ST18: variants seen among roughly 807,000 people sequenced by gnomAD.
ST18 encodes the protein suppression of tumorigenicity 18 protein.
ST18 carries 50 observed loss-of-function variants against 110.0 expected under a neutral mutation model. That is an observed-to-expected ratio of 0.45 (90% CI 0.36 to 0.58). The LOEUF (loss-of-function observed/expected upper bound fraction) is 0.58. ST18 is among the 20% of genes least tolerant of loss of function. The probability of loss-of-function intolerance (pLI) is 0.00; values close to 1 mark genes in which losing one functional copy is unlikely to be tolerated. For missense variants in ST18, 1,306 were observed against 1,280.1 expected, an observed-to-expected ratio of 1.02 and a Z score of -0.31; for synonymous variants, 461 against 452.4, an observed-to-expected ratio of 1.02 and a Z score of -0.24.
chr8:52,353,749 G>C (rs1821418610), intron 2 of ST18, among the ~76,000 whole-genome samples: 1 of 152,174 alleles, frequency 6.6e-6, no homozygotes, highest in African/African-American at 2.4e-5. Context: ...AAGATAATTA[G>C]TGTAACTCAC....
In ST18 at chr8:52,135,568, C is replaced by CAAAAAAAAAAAAA. The variant is rs71252929; in HGVS notation, c.2300+1009_2300+1021dup. The stretch of plus-strand genomic sequence containing the variant: ...GGGCAACAAGACCGAAACTCCATCT[C>CAAAAAAAAAAAAA]AAAAAAAAAAAAAAAAAAAAAAAGA... On this transcript the variant is annotated intron_variant, in intron 19 of 25. Transcript: ENST00000689386. 6.1e-4 allele frequency among the ~76,000 whole-genome samples: 34 copies of CAAAAAAAAAAAAA among 56,112 alleles called. 1 individual carries two copies. The highest frequency in any genetic ancestry group is 9.3e-4 in the Admixed American group (4 of 4,294). 36.8% of individuals were successfully genotyped at this position (56,112 alleles called of 152,430 possible).
At chr8:52,116,008 A>T (rs868181390) in intron 25 of ST18, among the ~76,000 whole-genome samples, 1 of 152,122 alleles carries the variant, frequency 6.6e-6, no homozygotes, top group Non-Finnish European at 1.5e-5. Context: ...CTTTCACATG[A>T]CATTGTGAAC....
At chr8:52,287,823 G>T (rs2095493717) in intron 2 of ST18, among the ~76,000 whole-genome samples, 1 of 152,178 alleles carries the variant, frequency 6.6e-6, no homozygotes, top group South Asian at 2.1e-4. Flanking sequence ...CTAGTGGGCT[G>T]AGATTCCCAC....
chr8:52,283,136 A>G (rs760903160), intron 2 of ST18, among the ~76,000 whole-genome samples: 1 of 152,186 alleles, frequency 6.6e-6, no homozygotes. Context: ...TTGGTGGATT[A>G]GATATGGAAT....
chr8:52,375,766 C>G (rs1306107862), intron 2 of ST18, among the ~76,000 whole-genome samples: 1 of 152,212 alleles, frequency 6.6e-6, no homozygotes, highest in African/African-American at 2.4e-5. Flanking sequence ...TATTTGGTAT[C>G]TCCACTAGGA....
At chr8:52,158,117 G>A (rs961062798) in intron 15 of ST18, among the ~76,000 whole-genome samples, 1 of 152,186 alleles carries the variant, frequency 6.6e-6, no homozygotes, top group Non-Finnish European at 1.5e-5. Flanking sequence ...TCTGTGGATC[G>A]CTGTGACTGT....
chr8:52,355,682 C>A (rs937515927), intron 2 of ST18, among the ~76,000 whole-genome samples: 1 of 152,122 alleles, frequency 6.6e-6, no homozygotes, highest in African/African-American at 2.4e-5. Context: ...TAAAAGATAC[C>A]GTGTCATCTT....
intron 2 of ST18, among the ~76,000 whole-genome samples, chr8:52,388,810 T>A (rs1160266386): frequency 2.0e-5 from 2 of 98,802 alleles, no homozygotes; most frequent in Non-Finnish European, 1.9e-5. Context: ...CTCCGGGGAC[T>A]GTTGTGGGGT....
chr8:52,183,223 C>T (rs1034982489), intron 8 of ST18, among the ~76,000 whole-genome samples: 1 of 152,130 alleles, frequency 6.6e-6, no homozygotes, highest in Non-Finnish European at 1.5e-5. Context: ...TGCCACAGGA[C>T]CTTGCCCACT....
At chr8:52,297,427 AT>A (rs1327788183) in intron 2 of ST18, among the ~76,000 whole-genome samples, 19 of 152,358 alleles carry the variant, frequency 1.2e-4, no homozygotes, top group African/African-American at 4.6e-4. Context: ...TTAAACAATA[AT>A]TTACATGTTA....
intron 15 of ST18, among the ~76,000 whole-genome samples, chr8:52,152,397 T>C (rs756449611): frequency 6.6e-6 from 1 of 152,162 alleles, no homozygotes; most frequent in African/African-American, 2.4e-5. Context: ...CCCCACCCCC[T>C]CAATCTTCTA....
chr8:52,330,576 C>G (rs1013044365), intron 2 of ST18, among the ~76,000 whole-genome samples: 1 of 152,238 alleles, frequency 6.6e-6, no homozygotes, highest in African/African-American at 2.4e-5. Flanking sequence ...AGGTCATTCT[C>G]TATCGTAAGT....
intron 8 of ST18, among the ~76,000 whole-genome samples, chr8:52,181,168 A>G (rs1050337759): frequency 1.2e-4 from 19 of 152,218 alleles, no homozygotes; most frequent in Admixed American, 6.5e-4. Flanking sequence ...CTGCGAGTCT[A>G]TAAGAGATAT....
rs140730959 is a variant in ST18 at position 52,263,320 on chromosome 8, A to T, written c.-464-33243T>A. Among the ~76,000 whole-genome samples the T allele has an allele frequency of 3.3e-3, 506 of 152,324 alleles. 5 individuals are homozygous for T. Among genetic ancestry groups the T allele is most frequent in the African/African-American group, 0.011 (474 of 41,584 alleles). On this transcript the variant is annotated intron_variant, in intron 2 of 25. Coordinates refer to ENST00000689386, the MANE Select transcript of ST18 (RefSeq NM_001352837.2). ...GCTTTGCAGAGAAAACAAGCTACCT[A>T]CATAATCCCAAAATGTTAAAATAGA...
At chr8:52,282,303 A>T (rs2095394863) in intron 2 of ST18, among the ~76,000 whole-genome samples, 1 of 152,234 alleles carries the variant, frequency 6.6e-6, no homozygotes, top group Non-Finnish European at 1.5e-5. Flanking sequence ...TATTAAACCC[A>T]TCTAATAATG....
rs746049921 is a variant in ST18, at chr8:52,173,548, T to A, written c.278-965A>T. Among the ~76,000 whole-genome samples the A allele has an allele frequency of 6.2e-4, 95 of 152,132 alleles. 1 individual carries two copies. Among genetic ancestry groups the A allele is most frequent in the Non-Finnish European group, 1.5e-4 (10 of 68,030 alleles). On this transcript the variant is annotated intron_variant, in intron 9 of 25. Transcript: ENST00000689386. Reference sequence around the variant, plus strand: ...GGGTGACAGAGTGTATAGACAACAATGAGCCTACCCAAGCCTGTCCCAGTG... The same window carrying A: ...GGGTGACAGAGTGTATAGACAACAAAGAGCCTACCCAAGCCTGTCCCAGTG...
rs564116488 is a variant in ST18 at position 52,176,199 on chromosome 8, AT to A, written c.278-3617del. Among the ~76,000 whole-genome samples the A allele has an allele frequency of 3.4e-3, 524 of 151,982 alleles. 3 individuals carry two copies. Among genetic ancestry groups the A allele is most frequent in the Middle Eastern group, 0.024 (7 of 292 alleles). On this transcript the variant is annotated intron_variant, in intron 9 of 25. Transcript: ENST00000689386. Reference sequence around the variant, plus strand: ...ACCGCATCCGGCTAATATTTTTTGTATTTTTAGTAGAGATGGGGTTTCAGCA... The same window carrying A: ...ACCGCATCCGGCTAATATTTTTTGTATTTTAGTAGAGATGGGGTTTCAGCA...
chr8:52,293,708 G>A (rs1315672275), intron 2 of ST18, among the ~76,000 whole-genome samples: 1 of 152,008 alleles, frequency 6.6e-6, no homozygotes, highest in Non-Finnish European at 1.5e-5. Flanking sequence ...GAGCTTGTTG[G>A]AGATTCAGTT....
Position 52,161,134 on chromosome 8 carries a change from T to A in ST18, c.1594+241A>T, listed in dbSNP as rs116608074. The stretch of plus-strand genomic sequence containing the variant: ...ACTTAGATTCAACAATAGCATCATA[T>A]TTGTAGAATAATTAATTCATTAACT... On this transcript the variant is annotated intron_variant, in intron 14 of 25. Transcript: ENST00000689386. Among the ~76,000 whole-genome samples, 1,382 of 152,328 alleles carry A rather than the reference T, an allele frequency of 9.1e-3. 21 individuals are homozygous for A. The highest frequency in any genetic ancestry group is 0.032 in the African/African-American group (1,322 of 41,568).
Sources: gnomAD v4.1 joint callset for allele counts (sites outside exome capture counted in the v4.1 genomes callset) on GRCh38, gnomAD v4.1.1 for gene constraint, MANE v1.5 for transcripts, NCBI Gene and HGNC (gene_info 2026-07-23, HGNC 2026-07-21) for gene names.